Variants in ITGA9 observed in about 807,000 individuals in gnomAD.
ITGA9 encodes the protein integrin subunit alpha 9, also known as integrin alpha-9.
In ITGA9, 56 loss-of-function variants were observed where a neutral mutation model predicts 127.8. The ratio of observed to expected loss-of-function variants is 0.44; its 90% CI spans 0.35 to 0.55. ITGA9 has a LOEUF of 0.55. ITGA9 is among the 20% of genes least tolerant of loss of function. ITGA9 has a pLI of 0.00. For missense variants in ITGA9, 1,196 were observed against 1,347.1 expected (o/e 0.89, Z 1.76); for synonymous variants, 508 against 514.5 (o/e 0.99, Z 0.17).
At chr3:37,765,685 T>C (rs1233010070) in intron 23 of ITGA9, among the ~76,000 whole-genome samples, 1 of 152,194 alleles carries the variant, frequency 6.6e-6, no homozygotes, top group African/African-American at 2.4e-5. Context: ...TGTGTGTTTC[T>C]GTGCACAAGT....
rs1700952354 is a variant in ITGA9 at position 37,702,057 on chromosome 3, T to C, written c.2067+18042T>C. Among the ~76,000 whole-genome samples the C allele has an allele frequency of 2.0e-5, 3 of 152,114 alleles. No individual in the cohort carries two copies. In the South Asian group the frequency reaches 6.2e-4, roughly 31 times the overall value. On this transcript the variant is annotated intron_variant, in intron 18 of 27. Coordinates refer to ENST00000264741, the MANE Select transcript of ITGA9 (RefSeq NM_002207.3). Reference sequence around the variant, plus strand: ...TGGGTTGGGGAAAAGGTGAGTTATTTAGCATTGGAGGAGCCTGTTTGTAGC... The same window carrying C: ...TGGGTTGGGGAAAAGGTGAGTTATTCAGCATTGGAGGAGCCTGTTTGTAGC...
At chr3:37,549,199 G>C (rs576275386) in intron 15 of ITGA9, among the ~76,000 whole-genome samples, 2 of 152,176 alleles carry the variant, frequency 1.3e-5, no homozygotes, top group East Asian at 3.8e-4. Flanking sequence ...TGAATGTTCA[G>C]CATGGGAGCT....
chr3:37,542,945 A>G (rs1199085413), intron 15 of ITGA9, among the ~76,000 whole-genome samples: 1 of 151,750 alleles, frequency 6.6e-6, no homozygotes, highest in Non-Finnish European at 1.5e-5. Context: ...GTGATGCTGG[A>G]TCACACTGCA....
intron 18 of ITGA9, among the ~76,000 whole-genome samples, chr3:37,689,780 T>C (rs2364657): frequency 0.077 from 11,796 of 152,238 alleles, 1,412 homozygotes; most frequent in African/African-American, 0.26. Flanking sequence ...TTTTTTGCCC[T>C]GGAGCCGTTT....
chr3:37,703,116 C>T (rs1370825077), intron 18 of ITGA9, among the ~76,000 whole-genome samples: 3 of 152,218 alleles, frequency 2.0e-5, no homozygotes, highest in African/African-American at 7.2e-5. Context: ...AGACCTAAAA[C>T]AGACAGGTCC....
chr3:37,581,144 A>G (rs1181091300), intron 15 of ITGA9, among the ~76,000 whole-genome samples: 1 of 152,202 alleles, frequency 6.6e-6, no homozygotes, highest in Non-Finnish European at 1.5e-5. Flanking sequence ...TTTTCAAAAA[A>G]TCACTGTGGG....
At chr3:37,723,985 C>T (rs887669431) in intron 18 of ITGA9, among the ~76,000 whole-genome samples, 2 of 152,218 alleles carry the variant, frequency 1.3e-5, no homozygotes, top group Non-Finnish European at 2.9e-5. Context: ...TGGAAATTAA[C>T]ATGTCTGCCC....
At position 37,629,407 on chromosome 3, in the gene ITGA9, G is replaced by A; in HGVS notation, c.1839+71G>A. On this transcript the variant is annotated intron_variant, in intron 16 of 27. Coordinates refer to ENST00000264741, the MANE Select transcript of ITGA9 (RefSeq NM_002207.3). This position sits in a 1 kb window ranked among gnomAD's most constrained non-coding sequence, Gnocchi z 4.5. ...ACAGAGCAGAAATAATGGCCCAAAA[G>A]TTGAGAGAGCCGTGGGCCTGGCTGC... The A allele has an allele frequency of 1.3e-6, 2 of 1,569,686 alleles. 1 individual carries two copies. Among genetic ancestry groups the A allele is most frequent in the South Asian group, 2.3e-5 (2 of 87,298 alleles).
intron 15 of ITGA9, among the ~76,000 whole-genome samples, chr3:37,592,683 AG>A (rs1559544266): frequency 2.6e-5 from 4 of 152,120 alleles, no homozygotes; most frequent in Non-Finnish European, 5.9e-5. Context: ...GAGAATATGT[AG>A]GGGGACGAAG....
At position 37,526,139 on chromosome 3, in the gene ITGA9, C is replaced by T. The variant is rs79861835; in HGVS notation, c.1373+68C>T. The T allele has an allele frequency of 4.6e-3, 6,117 of 1,324,816 alleles. 79 individuals carry two copies. Among genetic ancestry groups the T allele is most frequent in the African/African-American group, 0.037 (2,570 of 69,318 alleles). The allele number at this position is 1,324,816 out of a possible 1,614,324, so 82.1% of individuals were successfully genotyped here. A position where few individuals can be genotyped will look rare whatever the true frequency, so the allele number is the denominator to read the frequency against. ...GTGAGGGATGGAGCCATTCACCATT[C>T]ATGGGCTCTTTCCTCTGTCCTGTTC... is the stretch of plus-strand genomic sequence containing the variant. On this transcript the variant is annotated intron_variant, in intron 13 of 27. Transcript: ENST00000264741.
intron 18 of ITGA9, among the ~76,000 whole-genome samples, chr3:37,696,728 G>A (rs538103632): frequency 1.3e-5 from 2 of 152,306 alleles, no homozygotes; most frequent in African/African-American, 2.4e-5. Flanking sequence ...TGATATTTCT[G>A]TTAATGTGGT....
intron 15 of ITGA9, among the ~76,000 whole-genome samples, chr3:37,624,136 A>G (rs1027790351): frequency 6.7e-6 from 1 of 149,368 alleles, no homozygotes; most frequent in Non-Finnish European, 1.5e-5. Flanking sequence ...AGTGGGGCCA[A>G]CCCTTCCTGT....
intron 14 of ITGA9, among the ~76,000 whole-genome samples, chr3:37,540,281 T>C (rs1699252409): frequency 6.6e-6 from 1 of 152,204 alleles, no homozygotes; most frequent in Non-Finnish European, 1.5e-5. Context: ...TCCACCACAT[T>C]GGTTCACCCA....
At chr3:37,744,624 C>G (rs1242234622) in intron 22 of ITGA9, among the ~76,000 whole-genome samples, 7 of 152,180 alleles carry the variant, frequency 4.6e-5, no homozygotes, top group African/African-American at 1.7e-4. Context: ...GACTGTGGAC[C>G]TCATGAAGGA....
intron 18 of ITGA9, among the ~76,000 whole-genome samples, chr3:37,724,654 G>T (rs562040223): frequency 6.6e-6 from 1 of 152,056 alleles, no homozygotes; most frequent in Non-Finnish European, 1.5e-5. Flanking sequence ...TGCCCACCAC[G>T]CCCAGCTAAT....
intron 18 of ITGA9, among the ~76,000 whole-genome samples, chr3:37,702,785 G>A (rs1700961865): frequency 6.6e-6 from 1 of 151,916 alleles, no homozygotes; most frequent in Admixed American, 6.6e-5. Flanking sequence ...TAATCTCAGG[G>A]TGCCTCCTTG....
chr3:37,757,715 T>C (rs1401181512), intron 23 of ITGA9, among the ~76,000 whole-genome samples: 1 of 151,492 alleles, frequency 6.6e-6, no homozygotes, highest in Admixed American at 6.6e-5. Context: ...GAATAAAATA[T>C]GCATGAGGTT....
At chr3:37,784,708 C>T (rs948551765) in intron 25 of ITGA9, among the ~76,000 whole-genome samples, 1 of 152,192 alleles carries the variant, frequency 6.6e-6, no homozygotes, top group African/African-American at 2.4e-5. Context: ...GCTCTAACTG[C>T]TTGGAAACCA....
chr3:37,756,014 A>G (rs1373068867), intron 23 of ITGA9, among the ~76,000 whole-genome samples: 1 of 152,160 alleles, frequency 6.6e-6, no homozygotes, highest in Non-Finnish European at 1.5e-5. Flanking sequence ...AGATGGAAGT[A>G]ATAAACCTAA....
Sources: gnomAD v4.1 joint callset for allele counts (sites outside exome capture counted in the v4.1 genomes callset) on GRCh38, gnomAD v4.1.1 for gene constraint, Gnocchi (gnomAD v3.1) non-coding constraint, MANE v1.5 for transcripts, NCBI Gene and HGNC (gene_info 2026-07-23, HGNC 2026-07-21) for gene names.